GEMIN8: variants seen among roughly 807,000 people sequenced by gnomAD.
GEMIN8 encodes the protein gem-associated protein 8.
For synonymous variants in GEMIN8, 80 were observed against 78.5 expected, an observed-to-expected ratio of 1.02 and a Z score of -0.10; for missense variants, 185 against 205.9, an observed-to-expected ratio of 0.90 and a Z score of 0.62.
At chrX:14,003,755 T>C (rs1923048947), downstream of GEMIN8, among the ~76,000 whole-genome samples, 1 of 112,443 alleles carries the variant, frequency 8.9e-6, no homozygotes, top group Admixed American at 9.4e-5. Flanking sequence ...GTACCTGTAA[T>C]AGCTACCTCA....
chrX:14,009,484 G>A (rs976102166), intron 4 of GEMIN8, among the ~76,000 whole-genome samples: 3 of 111,356 alleles, frequency 2.7e-5, no homozygotes, highest in African/African-American at 9.8e-5. Flanking sequence ...CTTGAGCCCA[G>A]GGGGCAGAGA....
chrX:14,025,404 A>G (rs1488184980), intron 2 of GEMIN8, among the ~76,000 whole-genome samples: 2 of 111,115 alleles, frequency 1.8e-5, no homozygotes, highest in Non-Finnish European at 3.8e-5. Context: ...TTCCTGAAGT[A>G]CAAAAAACAG....
rs994964951 is a variant in GEMIN8 at position 14,026,184 on chromosome X, G to C, written c.-78C>G. 1 of 749,779 alleles carries C rather than the reference G, an allele frequency of 1.3e-6. No individual in the cohort carries two copies. The highest frequency in any genetic ancestry group is 1.5e-4 in the East Asian group (1 of 6,577). The allele number at this position is 749,779 out of a possible 1,213,427, so 61.8% of individuals were successfully genotyped here. A position where few individuals can be genotyped will look rare whatever the true frequency, so the allele number is the denominator to read the frequency against. ...ACTCTTTTATGGCACAAGCCTTCAG[G>C]GACTGAACAGTAACTTTTCTCCAAT... On this transcript the variant is annotated 5_prime_UTR_variant, in exon 2 of 5. Coordinates refer to ENST00000680255, the MANE Select transcript of GEMIN8 (RefSeq NM_001042479.2).
chrX:14,020,243 T>G lies in GEMIN8; in HGVS notation c.307A>C (p.Ser103Arg). Reference protein sequence around the residue: ...FRRSGQHPRYSSRIQASTKED... With the variant: ...FRRSGQHPRYRSRIQASTKED... ...TTTGTGGATGCCTGGATCCTACTGC[T>G]GTAACGTGGATGCTGCCCAGATCTT... Residue 103 changes from serine (S) to arginine (R), a missense_variant, in exon 4 of 5, where the codon AGC becomes CGC. Physicochemically the swap from Ser to Arg is moderately radical, Grantham distance 110 (BLOSUM62 -1). Coordinates refer to ENST00000680255, the MANE Select transcript of GEMIN8 (RefSeq NM_001042479.2). 8.3e-7 allele frequency: 1 copy of G among 1,211,418 alleles called. No homozygotes were observed. Among genetic ancestry groups the G allele is most frequent in the Non-Finnish European group, 1.1e-6 (1 of 895,072 alleles).
chrX:14,012,029 T>A (rs1923586249), intron 4 of GEMIN8, among the ~76,000 whole-genome samples: 1 of 111,557 alleles, frequency 9.0e-6, no homozygotes, highest in Non-Finnish European at 1.9e-5. Flanking sequence ...TGATTTTAGT[T>A]CTTAATAAAG....
In GEMIN8 at chrX:14,020,156, A is replaced by G; in HGVS notation, c.394T>C (p.Cys132Arg). ...GTGATTTCCATATTGCTCAGGTCAC[A>G]TTCTACCTCTGCATCTGACTCAGTC... ...METESDAEVE[C>R]DLSNMEITEE... Residue 132 changes from cysteine to arginine, a missense_variant, in exon 4 of 5, where the codon TGT (cysteine) becomes CGT (arginine). By Grantham distance (180) the Cys-to-Arg change is radical (BLOSUM62 -3). Transcript: ENST00000680255. 8.3e-7 allele frequency: 1 copy of G among 1,208,184 alleles called. No individual in the cohort carries two copies. Among genetic ancestry groups the G allele is most frequent in the Non-Finnish European group, 1.1e-6 (1 of 892,286 alleles).
intron 1 of GEMIN8, 39 bp downstream of exon 1, chrX:14,029,738 C>T (rs1250325007): frequency 8.8e-6 from 1 of 113,116 alleles, no homozygotes. Flanking sequence ...AAGCTCCTCC[C>T]TCACTCCCCA....
At chrX:13,991,480 T>C in the GEMIN8 span, among the ~76,000 whole-genome samples, 1,632 of 111,724 alleles carry the variant, frequency 0.015, 14 homozygotes, top group Non-Finnish European at 0.019. Context: ...CATTGACTTG[T>C]GTCATTTTTG....
At chrX:14,011,010 CCAAA>C (rs1169627748) in intron 4 of GEMIN8, among the ~76,000 whole-genome samples, 1 of 111,928 alleles carries the variant, frequency 8.9e-6, no homozygotes, top group Non-Finnish European at 1.9e-5. Context: ...AGTGGATGAG[CCAAA>C]CAGTGGGTTA....
intron 4 of GEMIN8, 118 bp from the exon 5 acceptor site, chrX:14,009,287 TCTTTCC>T (rs993304953): frequency 3.3e-5 from 23 of 697,251 alleles, no homozygotes; most frequent in African/African-American, 1.3e-4. Context: ...AGGTCCCTCA[TCTTTCC>T]CTTTCCAACT....
the GEMIN8 span, among the ~76,000 whole-genome samples, chrX:13,992,816 C>T: frequency 5.5e-4 from 61 of 111,441 alleles, no homozygotes; most frequent in Non-Finnish European, 7.5e-4. Context: ...AGAAAAGTGA[C>T]GATCTGGCTT....
chrX:13,994,970 T>C, the GEMIN8 span, among the ~76,000 whole-genome samples: 3 of 111,977 alleles, frequency 2.7e-5, no homozygotes, highest in Non-Finnish European at 5.6e-5. Flanking sequence ...CAACAGGCTG[T>C]CTGCAAGCTG....
downstream of GEMIN8, among the ~76,000 whole-genome samples, chrX:14,001,762 C>G (rs969247230): frequency 9.1e-6 from 1 of 110,482 alleles, no homozygotes; most frequent in Non-Finnish European, 1.9e-5. Flanking sequence ...CTGCTCGCCT[C>G]GGCCTCCCAG....
At chrX:14,013,719 C>G (rs756661082) in intron 4 of GEMIN8, among the ~76,000 whole-genome samples, 6 of 110,909 alleles carry the variant, frequency 5.4e-5, no homozygotes, top group Non-Finnish European at 5.7e-5. Context: ...AGAGGTGAGG[C>G]CCTACAGCCT....
intron 4 of GEMIN8, 70 bp from the exon 5 acceptor site, chrX:14,009,239 GTGC>G (rs1158346311): frequency 3.7e-5 from 39 of 1,051,473 alleles, no homozygotes; most frequent in South Asian, 6.3e-5. Context: ...AGCCCAGTGA[GTGC>G]TGCTGCTGCT....
At chrX:14,028,974 T>G (rs1924839600) in intron 1 of GEMIN8, among the ~76,000 whole-genome samples, 1 of 112,263 alleles carries the variant, frequency 8.9e-6, no homozygotes, top group African/African-American at 3.2e-5. Flanking sequence ...ATTTTTTAAG[T>G]AATATTGTTC....
At chrX:14,016,572 G>A (rs139167125) in intron 4 of GEMIN8, among the ~76,000 whole-genome samples, 3,424 of 109,438 alleles carry the variant, frequency 0.031, 157 homozygotes, top group African/African-American at 0.11. Context: ...TTAGCTGGGC[G>A]CGGTAGCTCA....
chrX:14,019,815 G>A (rs1349306381), intron 4 of GEMIN8, among the ~76,000 whole-genome samples: 1 of 110,823 alleles, frequency 9.0e-6, no homozygotes, highest in Non-Finnish European at 1.9e-5. Flanking sequence ...CCATTTGGTA[G>A]AGTGTCTAAT....
At chrX:13,999,281 T>C in the GEMIN8 span, among the ~76,000 whole-genome samples, 1 of 107,394 alleles carries the variant, frequency 9.3e-6, no homozygotes, top group Non-Finnish European at 1.9e-5. Flanking sequence ...ATTTTTTTTT[T>C]TTTTTTTTTG....
Sources: allele counts gnomAD v4.1 joint callset (sites outside exome capture counted in the v4.1 genomes callset), GRCh38; gene constraint gnomAD v4.1.1; transcripts MANE v1.5; gene names NCBI Gene and HGNC (gene_info 2026-07-23, HGNC 2026-07-21).